The following FUT9 variants were observed in gnomAD, a reference collection of about 807,000 sequenced individuals.
The protein encoded by FUT9 is 4-galactosyl-N-acetylglucosaminide 3-alpha-L-fucosyltransferase 9.
A neutral mutation model predicts 29.7 loss-of-function variants in FUT9; 15 were observed. The ratio of observed to expected loss-of-function variants is 0.51; its 90% confidence interval spans 0.34 to 0.78. FUT9 has a LOEUF of 0.78. Among genes scored for constraint, FUT9 ranks in the 30% least tolerant of loss-of-function variants. FUT9 has a pLI of 0.01. For synonymous variants in FUT9, 169 were observed against 153.7 expected (o/e 1.10, Z -0.74); for missense variants, 319 against 425.4 (o/e 0.75, Z 2.20).
intron 1 of FUT9, among the ~76,000 whole-genome samples, chr6:96,047,721 A>G (rs1385434004): frequency 1.3e-5 from 2 of 152,340 alleles, no homozygotes; most frequent in East Asian, 3.9e-4. Context: ...TAGAAAAACA[A>G]AAACAAACAT....
At chr6:96,045,549 A>G (rs1770547847) in intron 1 of FUT9, among the ~76,000 whole-genome samples, 1 of 152,368 alleles carries the variant, frequency 6.6e-6, no homozygotes, top group South Asian at 2.1e-4. Flanking sequence ...TGTTTAAATT[A>G]CCTAAGTATC....
chr6:96,052,868 G>GGAA (rs1210193296), intron 1 of FUT9, among the ~76,000 whole-genome samples: 1 of 151,922 alleles, frequency 6.6e-6, no homozygotes, highest in African/African-American at 2.4e-5. Flanking sequence ...GAATAGAAGG[G>GGAA]AAAGCTTAGA....
chr6:96,073,210 G>T (rs185262416), intron 1 of FUT9, among the ~76,000 whole-genome samples: 2 of 152,092 alleles, frequency 1.3e-5, no homozygotes, highest in Non-Finnish European at 1.5e-5. Context: ...CAGCACTTTG[G>T]GGGGCCAAGA....
chr6:96,091,923 T>C (rs973824140), intron 1 of FUT9, among the ~76,000 whole-genome samples: 2 of 152,126 alleles, frequency 1.3e-5, no homozygotes, highest in Non-Finnish European at 2.9e-5. Context: ...AATTTTATAA[T>C]GTGAGCATAA....
intron 2 of FUT9, among the ~76,000 whole-genome samples, chr6:96,157,453 G>C (rs9399795): frequency 0.024 from 3,720 of 152,206 alleles, 69 homozygotes; most frequent in East Asian, 0.073. Flanking sequence ...AAAATGAGTT[G>C]AGGAATGTAC....
intron 1 of FUT9, among the ~76,000 whole-genome samples, chr6:96,105,560 A>G (rs2127958443): frequency 6.6e-6 from 1 of 152,270 alleles, no homozygotes; most frequent in East Asian, 1.9e-4. Context: ...AAATTTTATC[A>G]TTTGATTATT....
chr6:96,089,779 C>T lies in FUT9; in HGVS notation c.-97-24260C>T, dbSNP rs369076584. Among the ~76,000 whole-genome samples the T allele has an allele frequency of 4.1e-4, 63 of 152,212 alleles. No individual in the cohort carries two copies. In the South Asian group the frequency reaches 0.011, roughly 27 times the overall value. On this transcript the variant is annotated intron_variant, in intron 1 of 2. Coordinates refer to ENST00000302103, the MANE Select transcript of FUT9 (RefSeq NM_006581.4). ...GTGGAGAAAAAAGGAATCATAACAGCGCTTTTAAGCTATAAAAGTGTGGCC... is the reference window on the plus strand; with the variant it reads ...GTGGAGAAAAAAGGAATCATAACAGTGCTTTTAAGCTATAAAAGTGTGGCC...
chr6:96,211,712 TA>T lies in FUT9; in HGVS notation c.*7478del, dbSNP rs1773940335. 1 of 172,818 alleles carries T rather than the reference TA, an allele frequency of 5.8e-6. No homozygotes were observed. The highest frequency in any genetic ancestry group is 2.4e-5 in the African/African-American group (1 of 41,698). The allele number at this position is 172,818 out of a possible 1,614,324, so 10.7% of individuals were successfully genotyped here. A position where few individuals can be genotyped will look rare whatever the true frequency, so the allele number is the denominator to read the frequency against. On this transcript the variant is annotated 3_prime_UTR_variant, in exon 3 of 3. Transcript: ENST00000302103. ...CAAGTGTACAAATTTAAAGCTGTAC[TA>T]TGTTAGAATAAAAAAGTAGGCTCAA...
intron 2 of FUT9, among the ~76,000 whole-genome samples, chr6:96,162,090 C>T (rs529677005): frequency 1.1e-4 from 16 of 152,082 alleles, no homozygotes; most frequent in Non-Finnish European, 2.2e-4. Flanking sequence ...TCTGTTCTTG[C>T]GTGTTTTCCA....
chr6:96,169,112 G>A (rs533432378), intron 2 of FUT9, among the ~76,000 whole-genome samples: 3 of 152,294 alleles, frequency 2.0e-5, no homozygotes, highest in African/African-American at 7.2e-5. Flanking sequence ...AGGCGCTGAA[G>A]GAGGGAGCTG....
intron 1 of FUT9, among the ~76,000 whole-genome samples, chr6:96,051,394 C>T (rs772975244): frequency 6.6e-6 from 1 of 151,916 alleles, no homozygotes; most frequent in Non-Finnish European, 1.5e-5. Context: ...GGTTTACATC[C>T]ATAATCTCAG....
intron 1 of FUT9, among the ~76,000 whole-genome samples, chr6:96,079,501 T>C (rs948480220): frequency 1.3e-4 from 20 of 152,202 alleles, no homozygotes; most frequent in Admixed American, 1.1e-3. Context: ...ATATTATTCC[T>C]TTACAGTCAT....
rs1482914363 is a variant in FUT9, at chr6:96,209,425, G to A, written c.*5190G>A. On this transcript the variant is annotated 3_prime_UTR_variant, in exon 3 of 3. Transcript: ENST00000302103. ...TTCCTCCCTCCCCTTAGTTGTCTAT[G>A]ACTTTTGAACTCACTGCTCACTGAC... The A allele has an allele frequency of 1.8e-5, 3 of 166,806 alleles. No individual in the cohort carries two copies. Among genetic ancestry groups the A allele is most frequent in the Admixed American group, 1.3e-4 (2 of 15,234 alleles). 10.3% of individuals were successfully genotyped at this position (166,806 alleles called of 1,614,324 possible).
chr6:96,123,535 T>C (rs536979426), intron 2 of FUT9, among the ~76,000 whole-genome samples: 3 of 152,196 alleles, frequency 2.0e-5, no homozygotes, highest in South Asian at 4.1e-4. Context: ...AGAAGTGTGT[T>C]CTTTGAAGTG....
At chr6:96,195,745 A>C (rs892935585) in intron 2 of FUT9, among the ~76,000 whole-genome samples, 4 of 152,184 alleles carry the variant, frequency 2.6e-5, no homozygotes, top group Admixed American at 1.3e-4. Flanking sequence ...CCAGGAGTAA[A>C]AGCAAAATAA....
At chr6:96,183,048 A>G (rs1773338712) in intron 2 of FUT9, among the ~76,000 whole-genome samples, 1 of 152,034 alleles carries the variant, frequency 6.6e-6, no homozygotes, top group Admixed American at 6.6e-5. Flanking sequence ...TATTTTCACA[A>G]TATTGATTCT....
intron 1 of FUT9, chr6:96,020,763 A>G (rs1770053249): frequency 6.6e-6 from 1 of 152,136 alleles, no homozygotes; most frequent in Non-Finnish European, 1.5e-5. Flanking sequence ...TAGGGGAACC[A>G]GTGATCTTGC....
At chr6:96,105,613 A>T (rs1461778997) in intron 1 of FUT9, among the ~76,000 whole-genome samples, 1 of 152,194 alleles carries the variant, frequency 6.6e-6, no homozygotes, top group African/African-American at 2.4e-5. Flanking sequence ...GCTGTGTCTT[A>T]AGTTTTCTAA....
At chr6:96,049,305 A>T (rs1388780193) in intron 1 of FUT9, among the ~76,000 whole-genome samples, 1 of 152,216 alleles carries the variant, frequency 6.6e-6, no homozygotes, top group African/African-American at 2.4e-5. Context: ...TATGCAAGCT[A>T]GCAACATTCA....
Sources: allele counts gnomAD v4.1 joint callset (sites outside exome capture counted in the v4.1 genomes callset), GRCh38; gene constraint gnomAD v4.1.1; transcripts MANE v1.5; gene names NCBI Gene and HGNC (gene_info 2026-07-23, HGNC 2026-07-21).